Variants in VPS36 observed in about 807,000 individuals in gnomAD.
VPS36 encodes the protein vacuolar protein sorting 36 homolog.
A neutral mutation model predicts 63.5 loss-of-function variants in VPS36; 31 were observed. The ratio of observed to expected loss-of-function variants is 0.49; its 90% CI spans 0.37 to 0.66. The LOEUF (loss-of-function observed/expected upper bound fraction) is 0.66. Among genes scored for constraint, VPS36 ranks in the 30% least tolerant of loss-of-function variants. The probability of loss-of-function intolerance (pLI) is 0.00; values close to 1 mark genes in which losing one functional copy is unlikely to be tolerated. For missense variants in VPS36, 338 were observed against 463.7 expected, an observed-to-expected ratio of 0.73 and a Z score of 2.49; for synonymous variants, 138 against 157.2, an observed-to-expected ratio of 0.88 and a Z score of 0.91.
chr13:52,421,169 A>T (rs182452592), intron 10 of VPS36, among the ~76,000 whole-genome samples: 62 of 152,326 alleles, frequency 4.1e-4, no homozygotes, highest in Admixed American at 3.7e-3. Flanking sequence ...ACATATATAC[A>T]ATGAAATACT....
chr13:52,450,601 T>C lies in VPS36; in HGVS notation c.-7A>G, dbSNP rs765346716. 1 of 1,569,248 alleles carries C rather than the reference T, an allele frequency of 6.4e-7. No homozygotes were observed. The highest frequency in any genetic ancestry group is 1.2e-5 in the South Asian group (1 of 86,746). On this transcript the variant is annotated 5_prime_UTR_variant, in exon 1 of 14. Coordinates refer to ENST00000378060, the MANE Select transcript of VPS36 (RefSeq NM_016075.4). ...TCCAAACGAAGCGGTCCATGGCCGC[T>C]GCCACCCAGCCCCGGCCCTCCGAGG...
chr13:52,438,262 T>C (rs1958238879), intron 3 of VPS36, among the ~76,000 whole-genome samples: 1 of 152,092 alleles, frequency 6.6e-6, no homozygotes, highest in African/African-American at 2.4e-5. Flanking sequence ...AAGGGGAAAA[T>C]ATAAATCATA....
chr13:52,416,992 G>T, intron 12 of VPS36, 65 bp downstream of exon 12: 3 of 1,328,714 alleles, frequency 2.3e-6, no homozygotes, highest in South Asian at 1.3e-5. Flanking sequence ...CCTGTTTTTT[G>T]AGTTGCTAAG....
At chr13:52,431,512 C>CA (rs1958155568) in intron 6 of VPS36, among the ~76,000 whole-genome samples, 2 of 151,954 alleles carry the variant, frequency 1.3e-5, no homozygotes, top group Non-Finnish European at 2.9e-5. Context: ...TGCCTGTAAT[C>CA]CTAGCACTTT....
In VPS36 at chr13:52,445,939, C is replaced by CAAAAA. The variant is rs34529458; in HGVS notation, c.97-3499_97-3495dup. On this transcript the variant is annotated intron_variant, in intron 1 of 13. Transcript: ENST00000378060. ...TGGGCGACAGAGAAAGACTCTATCT[C>CAAAAA]AAAAAAAAAAAAAAAAAAAAAAAAA... 3.9e-4 allele frequency among the ~76,000 whole-genome samples: 6 copies of CAAAAA among 15,366 alleles called. 1 individual carries two copies. Among genetic ancestry groups the CAAAAA allele is most frequent in the Non-Finnish European group, 5.1e-4 (5 of 9,722 alleles). The allele number at this position is 15,366 out of a possible 152,430, so 10.1% of individuals were successfully genotyped here.
chr13:52,416,535 A>T (rs1362904663), intron 12 of VPS36, among the ~76,000 whole-genome samples: 1 of 152,208 alleles, frequency 6.6e-6, no homozygotes, highest in Non-Finnish European at 1.5e-5. Context: ...AATAAATATA[A>T]GTTATTCAAA....
At chr13:52,417,950 T>C in intron 11 of VPS36, 42 bp downstream of exon 11, 3 of 1,575,070 alleles carry the variant, frequency 1.9e-6, no homozygotes, top group East Asian at 2.2e-5. Flanking sequence ...CCATGCAGAA[T>C]CATGGTTGCA....
rs760787518 is a variant in VPS36 at position 52,450,483 on chromosome 13, T to C, written c.96+16A>G. On this transcript the variant is annotated intron_variant, in intron 1 of 13. Coordinates refer to ENST00000378060, the MANE Select transcript of VPS36 (RefSeq NM_016075.4). ...CCCTTCCGCCAGCCCGTTGGGAAGG[T>C]TGGCAGACGCCCTACCTTCTCCTCG... 7 of 1,584,500 alleles carry C rather than the reference T, an allele frequency of 4.4e-6. No homozygotes were observed. Among genetic ancestry groups the C allele is most frequent in the Admixed American group, 3.5e-5 (2 of 57,190 alleles).
chr13:52,435,374 G>A (rs974925684), intron 4 of VPS36, among the ~76,000 whole-genome samples: 1 of 151,546 alleles, frequency 6.6e-6, no homozygotes, highest in Non-Finnish European at 1.5e-5. Context: ...TCTTGGATCA[G>A]CTTCAGAAAG....
intron 10 of VPS36, among the ~76,000 whole-genome samples, chr13:52,419,476 G>A (rs1958024533): frequency 6.6e-6 from 1 of 152,144 alleles, no homozygotes; most frequent in African/African-American, 2.4e-5. Context: ...TATATTAAAG[G>A]TAAGAAAACT....
At chr13:52,422,054 C>T (rs969694484) in intron 10 of VPS36, among the ~76,000 whole-genome samples, 2 of 151,958 alleles carry the variant, frequency 1.3e-5, no homozygotes, top group East Asian at 1.9e-4. Context: ...ATTGAACATT[C>T]GAATTTATTC....
intron 1 of VPS36, among the ~76,000 whole-genome samples, chr13:52,447,786 T>C (rs1958360554): frequency 2.4e-5 from 1 of 41,410 alleles, no homozygotes; most frequent in Non-Finnish European, 8.1e-5. Flanking sequence ...TATGAAGTCA[T>C]TTTTTTTTTT....
intron 1 of VPS36, among the ~76,000 whole-genome samples, chr13:52,445,638 CAAA>C (rs1260034533): frequency 5.4e-5 from 2 of 36,778 alleles, no homozygotes; most frequent in Non-Finnish European, 1.0e-4. Flanking sequence ...GACTCCGTCT[CAAA>C]AAAAAAAAAA....
At chr13:52,435,733 G>A (rs1029229789) in intron 4 of VPS36, among the ~76,000 whole-genome samples, 1 of 152,132 alleles carries the variant, frequency 6.6e-6, no homozygotes, top group African/African-American at 2.4e-5. Context: ...CACTGGGTGA[G>A]GTGATATAGA....
chr13:52,435,163 G>C (rs1280948362), intron 4 of VPS36, among the ~76,000 whole-genome samples: 1 of 151,614 alleles, frequency 6.6e-6, no homozygotes, highest in East Asian at 1.9e-4. Flanking sequence ...TAGAGATGGG[G>C]TTTCTCCATA....
intron 1 of VPS36, 55 bp from the exon 2 acceptor site, chr13:52,442,500 G>A (rs61959664): frequency 0.04 from 59,262 of 1,470,546 alleles, 1,424 homozygotes; most frequent in South Asian, 0.065. Context: ...TTGTGGTTCC[G>A]ATTTTCTTCT....
intron 10 of VPS36, among the ~76,000 whole-genome samples, chr13:52,420,529 C>T (rs1445454200): frequency 2.6e-5 from 4 of 151,488 alleles, no homozygotes; most frequent in African/African-American, 4.8e-5. Context: ...GATGGGGTTT[C>T]GCCATGTTGG....
intron 10 of VPS36, among the ~76,000 whole-genome samples, chr13:52,422,191 G>C (rs4297582): frequency 0.047 from 7,166 of 152,318 alleles, 178 homozygotes; most frequent in South Asian, 0.084. Flanking sequence ...TTTTTAGCTC[G>C]CACATGAGTG....
intron 10 of VPS36, among the ~76,000 whole-genome samples, chr13:52,418,861 T>A (rs1281020723): frequency 6.6e-6 from 1 of 152,210 alleles, no homozygotes; most frequent in East Asian, 1.9e-4. Flanking sequence ...ATCAGCATAG[T>A]GTGGTGATGA....
Sources: gnomAD v4.1 joint callset for allele counts (sites outside exome capture counted in the v4.1 genomes callset) on GRCh38, gnomAD v4.1.1 for gene constraint, MANE v1.5 for transcripts, NCBI Gene and HGNC (gene_info 2026-07-23, HGNC 2026-07-21) for gene names.